DPYD: variants seen among roughly 807,000 people sequenced by gnomAD.
DPYD encodes the protein dihydropyrimidine dehydrogenase [NADP(+)].
A neutral mutation model predicts 116.2 loss-of-function variants in DPYD; 109 were observed. That is an observed-to-expected ratio of 0.94 (90% CI 0.80 to 1.10). The LOEUF (loss-of-function observed/expected upper bound fraction) is 1.10, where lower values mean the gene tolerates loss of function less well. DPYD is among the 50% of genes least tolerant of loss of function. The pLI, the probability that DPYD is intolerant of heterozygous loss-of-function variation, is 0.00. For synonymous variants in DPYD, 440 were observed against 432.0 expected (o/e 1.02, Z -0.23); for missense variants, 1,302 against 1,254.5 (o/e 1.04, Z -0.57).
intron 3 of DPYD, among the ~76,000 whole-genome samples, chr1:97,802,957 G>C (rs1571383801): frequency 1.3e-5 from 2 of 151,778 alleles, no homozygotes; most frequent in Non-Finnish European, 2.9e-5. Context: ...ACTGATACAG[G>C]CAAAGTTTAA....
At chr1:97,407,383 C>T (rs1459568874) in intron 14 of DPYD, among the ~76,000 whole-genome samples, 1 of 152,114 alleles carries the variant, frequency 6.6e-6, no homozygotes, top group Non-Finnish European at 1.5e-5. Context: ...TAGCTCTTTG[C>T]TCTCATTAAC....
At chr1:97,330,816 T>G (rs1668947553) in intron 16 of DPYD, among the ~76,000 whole-genome samples, 1 of 152,198 alleles carries the variant, frequency 6.6e-6, no homozygotes, top group South Asian at 2.1e-4. Flanking sequence ...ATTTTGTCTT[T>G]GCTCACAGAT....
At chr1:97,086,222 T>C (rs962263794) in intron 21 of DPYD, among the ~76,000 whole-genome samples, 90 of 152,206 alleles carry the variant, frequency 5.9e-4, no homozygotes, top group African/African-American at 2.0e-3. Flanking sequence ...CCCGGCTAAT[T>C]TTTGTATTTT....
At chr1:97,167,995 C>T (rs985868407) in intron 20 of DPYD, among the ~76,000 whole-genome samples, 1 of 152,042 alleles carries the variant, frequency 6.6e-6, no homozygotes, top group African/African-American at 2.4e-5. Flanking sequence ...AATAACATAT[C>T]CTGATGGAGT....
rs3765175 is a variant in DPYD, at chr1:97,306,046, T to C, written c.2179+131A>G. 65 of 1,435,852 alleles carry C rather than the reference T, an allele frequency of 4.5e-5. No homozygotes were observed. The East Asian group carries it at 1.4e-3, about 31-fold the overall frequency. 88.9% of individuals were successfully genotyped at this position (1,435,852 alleles called of 1,614,324 possible). A position where few individuals can be genotyped will look rare whatever the true frequency, so the allele number is the denominator to read the frequency against. On this transcript the variant is annotated intron_variant, in intron 17 of 22. Coordinates refer to ENST00000370192, the MANE Select transcript of DPYD (RefSeq NM_000110.4). ...CTCCTGTGTTTGTGGGATCAAGTGC[T>C]CAACTGGAAACTTTTAAAATTGAGA...
At chr1:97,813,956 C>CACA (rs1668455534) in intron 3 of DPYD, among the ~76,000 whole-genome samples, 1 of 136,038 alleles carries the variant, frequency 7.4e-6, no homozygotes, top group Non-Finnish European at 1.6e-5. Flanking sequence ...ACACACACAC[C>CACA]CCTAAAATTT....
intron 13 of DPYD, among the ~76,000 whole-genome samples, chr1:97,461,162 C>T (rs1261914417): frequency 6.6e-6 from 1 of 152,138 alleles, no homozygotes; most frequent in Non-Finnish European, 1.5e-5. Context: ...CTTCTTTCAC[C>T]CTTCTATTGC....
intron 16 of DPYD, among the ~76,000 whole-genome samples, chr1:97,370,126 G>T (rs969587394): frequency 6.6e-6 from 1 of 152,090 alleles, no homozygotes; most frequent in Non-Finnish European, 1.5e-5. Context: ...ATAATCCTTT[G>T]GGTATATACC....
intron 8 of DPYD, among the ~76,000 whole-genome samples, chr1:97,658,186 T>A (rs181079571): frequency 1.3e-5 from 2 of 152,286 alleles, no homozygotes; most frequent in Non-Finnish European, 2.9e-5. Context: ...GTTTTATGTT[T>A]TAGTTTTATA....
At chr1:97,281,781 A>C (rs548814135) in intron 18 of DPYD, among the ~76,000 whole-genome samples, 1 of 152,062 alleles carries the variant, frequency 6.6e-6, no homozygotes, top group African/African-American at 2.4e-5. Context: ...TAGGACACAC[A>C]GGGAATAATT....
chr1:97,887,774 T>A (rs1672580918), intron 1 of DPYD, among the ~76,000 whole-genome samples: 1 of 151,912 alleles, frequency 6.6e-6, no homozygotes, highest in Admixed American at 6.6e-5. Flanking sequence ...CCCCATGTGG[T>A]CATGGGAGGG....
At chr1:97,723,253 G>A (rs1418032563) in intron 4 of DPYD, among the ~76,000 whole-genome samples, 1 of 151,532 alleles carries the variant, frequency 6.6e-6, no homozygotes, top group Non-Finnish European at 1.5e-5. Context: ...TTCTGAATAT[G>A]CAGTAAGAAT....
intron 14 of DPYD, among the ~76,000 whole-genome samples, chr1:97,388,893 G>A (rs1453597893): frequency 6.6e-6 from 1 of 152,094 alleles, no homozygotes; most frequent in Non-Finnish European, 1.5e-5. Flanking sequence ...GATGAATCGA[G>A]AGTACAAGTG....
At position 97,079,072 on chromosome 1, in the gene DPYD, A is replaced by G; in HGVS notation, c.2982T>C (p.Ser994=). ...TGATGCAGTCGACAATAGGGCAAACACTGAGACACAGAGTACAGCCTGTAC... is the reference window on the plus strand; with the variant it reads ...TGATGCAGTCGACAATAGGGCAAACGCTGAGACACAGAGTACAGCCTGTAC... The part of the protein sequence containing the change: ...DTCTGCTLCL[S]VCPIVDCIKM... Residue 994 remains serine, a synonymous_variant, in exon 23 of 23, where the codon AGT becomes AGC. Coordinates refer to ENST00000370192, the MANE Select transcript of DPYD (RefSeq NM_000110.4). 10 of 1,613,800 alleles carry G rather than the reference A, an allele frequency of 6.2e-6. No individual in the cohort carries two copies. Among genetic ancestry groups the G allele is most frequent in the Non-Finnish European group, 8.5e-6 (10 of 1,179,758 alleles).
chr1:97,549,924 G>A (rs1415765320), intron 11 of DPYD, among the ~76,000 whole-genome samples, 180 bp from the exon 12 acceptor site: 1 of 152,118 alleles, frequency 6.6e-6, no homozygotes, highest in African/African-American at 2.4e-5. Flanking sequence ...CACATTTGAA[G>A]GGCACTGACT....
intron 10 of DPYD, among the ~76,000 whole-genome samples, chr1:97,575,011 C>A (rs1227214006): frequency 6.6e-6 from 1 of 152,138 alleles, no homozygotes; most frequent in Non-Finnish European, 1.5e-5. Context: ...GCCCATCTTT[C>A]AACAACCTAT....
chr1:97,806,739 G>T (rs961540646), intron 3 of DPYD, among the ~76,000 whole-genome samples: 17 of 151,968 alleles, frequency 1.1e-4, no homozygotes, highest in African/African-American at 3.9e-4. Flanking sequence ...TTTGACAAAT[G>T]TATAATAATA....
intron 2 of DPYD, among the ~76,000 whole-genome samples, chr1:97,879,206 C>T (rs926419666): frequency 5.9e-5 from 9 of 151,798 alleles, no homozygotes; most frequent in Non-Finnish European, 1.3e-4. Context: ...GCTTCTGAAG[C>T]TTAAATAAAT....
At chr1:97,544,988 G>A (rs1180217881) in intron 12 of DPYD, among the ~76,000 whole-genome samples, 1 of 152,064 alleles carries the variant, frequency 6.6e-6, no homozygotes, top group Non-Finnish European at 1.5e-5. Flanking sequence ...AAAGGAGCTA[G>A]CAGGCTGCTC....
Sources: gnomAD v4.1 joint callset for allele counts (sites outside exome capture counted in the v4.1 genomes callset) on GRCh38, gnomAD v4.1.1 for gene constraint, MANE v1.5 for transcripts, NCBI Gene and HGNC (gene_info 2026-07-23, HGNC 2026-07-21) for gene names.